NAV3: variants seen among roughly 807,000 people sequenced by gnomAD.
NAV3 encodes the protein neuron navigator 3, also known as pore membrane and/or filament interacting like protein 1.
NAV3 carries 87 observed loss-of-function variants against 244.7 expected under a neutral mutation model. The observed-to-expected ratio is 0.36, with a 90% CI of 0.30 to 0.42. The LOEUF is 0.42. Among genes scored for constraint, NAV3 ranks in the 20% least tolerant of loss-of-function variants. The pLI is 1.00. For missense variants in NAV3, 2,663 were observed against 2,893.3 expected (o/e 0.92, Z 1.83); for synonymous variants, 1,126 against 1,042.2 (o/e 1.08, Z -1.55).
chr12:77,979,785 T>C (rs1869223617), intron 5 of NAV3, among the ~76,000 whole-genome samples: 2 of 151,992 alleles, frequency 1.3e-5, no homozygotes, highest in African/African-American at 4.8e-5. Context: ...CAGAGATGTT[T>C]TGTGACCCCA....
At chr12:77,997,249 A>G (rs1054615186) in intron 6 of NAV3, among the ~76,000 whole-genome samples, 21 of 151,714 alleles carry the variant, frequency 1.4e-4, no homozygotes, top group African/African-American at 5.1e-4. Context: ...AAAAAAAAAA[A>G]AAAAAAAAAA....
chr12:77,676,641 C>T (rs750490473), intron 2 of NAV3, among the ~76,000 whole-genome samples: 55 of 150,678 alleles, frequency 3.7e-4, no homozygotes, highest in Non-Finnish European at 6.3e-4. Flanking sequence ...GTTACATAGG[C>T]ATACATGTGC....
intron 34 of NAV3, among the ~76,000 whole-genome samples, chr12:78,192,998 A>G (rs1959050569): frequency 6.6e-6 from 1 of 152,096 alleles, no homozygotes. Context: ...AACAGTGTAG[A>G]TTTACTGAAG....
At chr12:77,885,359 T>C (rs1883161181) in intron 1 of NAV3, among the ~76,000 whole-genome samples, 1 of 152,110 alleles carries the variant, frequency 6.6e-6, no homozygotes, top group South Asian at 2.1e-4. Context: ...GTACTGCTGC[T>C]TTTTTTCTGC....
At position 78,188,335 on chromosome 12, in the gene NAV3, C is replaced by G. The variant is rs542710997; in HGVS notation, c.5878C>G (p.Leu1960Val). Residue 1960 changes from leucine (L) to valine (V), a missense_variant, in exon 32 of 40, where the codon CTC becomes GTC. Coordinates refer to ENST00000397909, the MANE Select transcript of NAV3 (RefSeq NM_001024383.2). Reference sequence around the variant, plus strand: ...TGTCTTAGATGGTGTAATAAGACGTCTCTTTAAGGTATGTTGTGCAAGACA... The same window carrying G: ...TGTCTTAGATGGTGTAATAAGACGTGTCTTTAAGGTATGTTGTGCAAGACA... ...WDVLDGVIRR[L>V]FKEYVFRIDT... The G allele has an allele frequency of 1.9e-6, 3 of 1,609,736 alleles. No homozygotes were observed. In the South Asian group the frequency reaches 3.3e-5, roughly 18 times the overall value.
At chr12:77,818,856 T>C (rs1265274015) in intron 2 of NAV3, among the ~76,000 whole-genome samples, 1 of 152,118 alleles carries the variant, frequency 6.6e-6, no homozygotes. Context: ...AATAAATGTA[T>C]TAATTAGTAT....
At chr12:77,671,999 C>T (rs139413720) in intron 2 of NAV3, among the ~76,000 whole-genome samples, 36 of 152,204 alleles carry the variant, frequency 2.4e-4, no homozygotes, top group Non-Finnish European at 1.5e-5. Flanking sequence ...TCTTCACAAT[C>T]TATGCCTCCG....
At chr12:77,794,584 T>C (rs1032844693) in intron 2 of NAV3, among the ~76,000 whole-genome samples, 2 of 152,222 alleles carry the variant, frequency 1.3e-5, no homozygotes, top group African/African-American at 4.8e-5. Context: ...TGTTGTGCTT[T>C]GGTTTATTGT....
intron 2 of NAV3, among the ~76,000 whole-genome samples, chr12:77,696,658 A>C (rs979626559): frequency 6.6e-6 from 1 of 152,188 alleles, no homozygotes; most frequent in Non-Finnish European, 1.5e-5. Context: ...TGCCACATAT[A>C]ACTAATATAC....
In NAV3 at chr12:78,035,765, A is replaced by G. The variant is rs148974001; in HGVS notation, c.2023+13903A>G. On this transcript the variant is annotated intron_variant, in intron 9 of 39. Coordinates refer to ENST00000397909, the MANE Select transcript of NAV3 (RefSeq NM_001024383.2). ...TACAAAAAGGCTGTAAGAAATCTTTATCATCACATTAGGATTTTAGGATTC... is the reference window on the plus strand; with the variant it reads ...TACAAAAAGGCTGTAAGAAATCTTTGTCATCACATTAGGATTTTAGGATTC... 9.2e-5 allele frequency among the ~76,000 whole-genome samples: 14 copies of G among 152,258 alleles called. No homozygotes were observed. In the East Asian group the frequency reaches 2.7e-3, roughly 29 times the overall value.
intron 6 of NAV3, among the ~76,000 whole-genome samples, chr12:77,997,310 A>G (rs1340952260): frequency 6.6e-6 from 1 of 151,986 alleles, no homozygotes; most frequent in Admixed American, 6.6e-5. Flanking sequence ...TATAGATTAA[A>G]TATACCTATA....
intron 1 of NAV3, among the ~76,000 whole-genome samples, chr12:77,834,620 C>T (rs138899077): frequency 9.9e-5 from 15 of 152,246 alleles, no homozygotes; most frequent in Admixed American, 2.6e-4. Flanking sequence ...GCTAAATGAC[C>T]TTGGCCTAGG....
chr12:77,859,023 A>T (rs762315501), intron 1 of NAV3, among the ~76,000 whole-genome samples: 3 of 152,038 alleles, frequency 2.0e-5, no homozygotes, highest in Non-Finnish European at 2.9e-5. Flanking sequence ...CTTCTAATTT[A>T]CTTTCACTGC....
rs759216033 is a variant in NAV3 at position 78,188,666 on chromosome 12, G to A, written c.5944G>A (p.Ala1982Thr). 1.9e-6 allele frequency: 3 copies of A among 1,612,222 alleles called. 1 individual carries two copies. The South Asian group carries it at 3.3e-5, about 18-fold the overall frequency. Reference sequence around the variant, plus strand: ...CCTTGGTCTGAGCTCTGACTGCATTGCTAGCTACTGTATAGGAGACTTAAT... The same window carrying A: ...CCTTGGTCTGAGCTCTGACTGCATTACTAGCTACTGTATAGGAGACTTAAT... Reference protein sequence around the residue: ...TSLGLSSDCIASYCIGDLIRS... With the variant: ...TSLGLSSDCITSYCIGDLIRS... Residue 1982 changes from alanine to threonine, a missense_variant, in exon 33 of 40, where the codon GCT becomes ACT. Around this residue, in one of 6 missense-constraint regions of NAV3, gnomAD observed 543 missense variants for 672.4 expected, o/e 0.81. Transcript: ENST00000397909.
chr12:77,650,718 T>G (rs1872785193), intron 2 of NAV3, among the ~76,000 whole-genome samples: 1 of 152,112 alleles, frequency 6.6e-6, no homozygotes, highest in East Asian at 1.9e-4. Flanking sequence ...GTTATAAACC[T>G]GAAAGTGTCT....
intron 2 of NAV3, among the ~76,000 whole-genome samples, chr12:77,644,198 C>T (rs1042115624): frequency 1.3e-5 from 2 of 151,840 alleles, no homozygotes; most frequent in African/African-American, 4.8e-5. Flanking sequence ...GAACAGAGGT[C>T]CCCCCAAAAA....
chr12:77,660,930 T>C (rs1423833380), intron 2 of NAV3, among the ~76,000 whole-genome samples: 3 of 152,224 alleles, frequency 2.0e-5, no homozygotes, highest in Non-Finnish European at 4.4e-5. Context: ...AGTTCATTTC[T>C]TTTTATTGCT....
At chr12:78,092,495 T>TC (rs1335954630) in intron 12 of NAV3, among the ~76,000 whole-genome samples, 6 of 131,304 alleles carry the variant, frequency 4.6e-5, no homozygotes, top group African/African-American at 1.7e-4. Context: ...TATTTTCTTT[T>TC]TTTTTTTTTT....
At chr12:77,796,981 T>A (rs1399037247) in intron 2 of NAV3, among the ~76,000 whole-genome samples, 1 of 152,180 alleles carries the variant, frequency 6.6e-6, no homozygotes, top group African/African-American at 2.4e-5. Context: ...GGACTTGAAA[T>A]GAATTCTCAA....
Sources: gnomAD v4.1 joint callset for allele counts (sites outside exome capture counted in the v4.1 genomes callset) on GRCh38, gnomAD v4.1.1 for gene constraint, gnomAD v4.1.1 regional missense constraint, MANE v1.5 for transcripts, NCBI Gene and HGNC (gene_info 2026-07-23, HGNC 2026-07-21) for gene names.